ATL1: variants seen among roughly 807,000 people sequenced by gnomAD.
ATL1 encodes atlastin GTPase 1, also known as atlastin-1.
Under a neutral mutation model 75.5 loss-of-function variants are expected in ATL1, and 31 were observed. The ratio of observed to expected loss-of-function variants is 0.41; its 90% CI spans 0.31 to 0.55. The LOEUF is 0.55. Ranked by LOEUF, ATL1 falls within the 20% of genes least tolerant of loss-of-function variation. The pLI is 0.27. For synonymous variants in ATL1, 226 were observed against 233.3 expected (o/e 0.97, Z 0.28); for missense variants, 405 against 662.6 (o/e 0.61, Z 4.27).
rs778034187 is a variant in ATL1 at position 50,630,016 on chromosome 14, T to TA, written c.1566+10dup. On this transcript the variant is annotated splice_region_variant and intron_variant, in intron 13 of 13. Coordinates refer to ENST00000358385, the MANE Select transcript of ATL1 (RefSeq NM_015915.5). The stretch of plus-strand genomic sequence containing the variant: ...ACAGGGAAGTACAAATGAGGTAAGT[T>TA]AAATTTTTTAAAATTCAGAGCTATG... 3 of 1,591,746 alleles carry TA rather than the reference T, an allele frequency of 1.9e-6. No homozygotes were observed. The highest frequency in any genetic ancestry group is 4.5e-5 in the East Asian group (2 of 44,588).
chr14:50,632,312 T>C lies in ATL1; in HGVS notation c.1650T>C (p.Thr550=). ...QAFPTPKSES[T]EQSEKKKM Reference sequence around the variant, plus strand: ...TCCCTACACCAAAGTCGGAATCTACTGAACAATCAGAAAAGAAAAAAATGT... The same window carrying C: ...TCCCTACACCAAAGTCGGAATCTACCGAACAATCAGAAAAGAAAAAAATGT... The change falls in exon 14 of 14, where the codon ACT becomes ACC. Residue 550 remains threonine (T), a synonymous_variant. Transcript: ENST00000358385. 2 of 1,612,814 alleles carry C rather than the reference T, an allele frequency of 1.2e-6. No homozygotes were observed. The highest frequency in any genetic ancestry group is 1.7e-6 in the Non-Finnish European group (2 of 1,178,998).
chr14:50,559,409 A>G (rs2038805368), upstream of ATL1: 1 of 152,244 alleles, frequency 6.6e-6, no homozygotes, highest in Non-Finnish European at 1.5e-5. Flanking sequence ...GTGAAAAGGG[A>G]AAGATTGAAA....
intron 1 of ATL1, among the ~76,000 whole-genome samples, chr14:50,534,887 A>C (rs2038473132): frequency 6.6e-6 from 1 of 152,248 alleles, no homozygotes; most frequent in Middle Eastern, 3.2e-3. Context: ...TTAAATGTAC[A>C]CTGAGTAAAT....
intron 1 of ATL1, among the ~76,000 whole-genome samples, chr14:50,538,988 A>G (rs1566704388): frequency 6.6e-6 from 1 of 152,116 alleles, no homozygotes; most frequent in Non-Finnish European, 1.5e-5. Flanking sequence ...CCCAGCTTTT[A>G]TTTTTATAAA....
At chr14:50,542,048 A>G (rs962956454) in intron 1 of ATL1, among the ~76,000 whole-genome samples, 1 of 121,616 alleles carries the variant, frequency 8.2e-6, no homozygotes, top group Non-Finnish European at 1.7e-5. Flanking sequence ...AAAAAAAAAA[A>G]GAATATGCTG....
chr14:50,545,694 G>C (rs577123317), intron 1 of ATL1, among the ~76,000 whole-genome samples: 15 of 152,330 alleles, frequency 9.8e-5, no homozygotes, highest in African/African-American at 3.6e-4. Flanking sequence ...AGGCACATGC[G>C]AGTATCCATG....
chr14:50,623,110 G>A (rs1595621210), intron 10 of ATL1, 67 bp from the exon 11 acceptor site: 1 of 1,344,136 alleles, frequency 7.4e-7, no homozygotes, highest in East Asian at 2.3e-5. Context: ...TCTGAAATGT[G>A]AACTGCCTGT....
chr14:50,603,662 T>C (rs187515464), intron 6 of ATL1, among the ~76,000 whole-genome samples: 5 of 152,316 alleles, frequency 3.3e-5, no homozygotes, highest in African/African-American at 7.2e-5. Context: ...AAAAATTCTT[T>C]GATAGTGATT....
At chr14:50,628,865 T>C (rs948935275) in intron 12 of ATL1, among the ~76,000 whole-genome samples, 1 of 152,054 alleles carries the variant, frequency 6.6e-6, no homozygotes. Flanking sequence ...TACAGGTGCA[T>C]ACCACCATCC....
chr14:50,570,778 T>C (rs1436150938), intron 1 of ATL1, among the ~76,000 whole-genome samples: 2 of 152,206 alleles, frequency 1.3e-5, no homozygotes, highest in African/African-American at 4.8e-5. Flanking sequence ...TTGTATACTT[T>C]GTGATTTGTT....
intron 6 of ATL1, among the ~76,000 whole-genome samples, chr14:50,612,654 C>T (rs2039376665): frequency 6.6e-6 from 1 of 151,926 alleles, no homozygotes; most frequent in African/African-American, 2.4e-5. Context: ...TGTTTTTCTC[C>T]TTTTTCTTTC....
chr14:50,551,393 CA>C (rs199519048), intron 1 of ATL1, among the ~76,000 whole-genome samples: 16 of 149,064 alleles, frequency 1.1e-4, no homozygotes, highest in African/African-American at 2.9e-4. Flanking sequence ...TTAAAATTGC[CA>C]AAAAAAAAAT....
intron 1 of ATL1, among the ~76,000 whole-genome samples, chr14:50,546,365 G>A (rs1050487865): frequency 6.0e-5 from 9 of 150,756 alleles, no homozygotes; most frequent in Non-Finnish European, 8.9e-5. Context: ...AAAGGTACTG[G>A]GTGTGTGTGT....
chr14:50,571,570 C>A (rs2038955635), intron 1 of ATL1, among the ~76,000 whole-genome samples: 1 of 152,056 alleles, frequency 6.6e-6, no homozygotes, highest in Non-Finnish European at 1.5e-5. Flanking sequence ...GCCTTTCCTG[C>A]ATTCATTCAA....
At chr14:50,616,240 C>G (rs1465742647) in intron 8 of ATL1, among the ~76,000 whole-genome samples, 4 of 152,036 alleles carry the variant, frequency 2.6e-5, no homozygotes, top group African/African-American at 9.7e-5. Flanking sequence ...TTCAATCAAT[C>G]CTCCTATCTT....
chr14:50,625,797 G>T (rs2039513623), intron 11 of ATL1, among the ~76,000 whole-genome samples: 1 of 151,496 alleles, frequency 6.6e-6, no homozygotes, highest in South Asian at 2.1e-4. Context: ...GTAGTCCCAG[G>T]TACTCAGGAG....
intron 1 of ATL1, among the ~76,000 whole-genome samples, chr14:50,570,428 T>G (rs1025309041): frequency 6.6e-6 from 1 of 152,076 alleles, no homozygotes; most frequent in Non-Finnish European, 1.5e-5. Flanking sequence ...CAGGCTAGAG[T>G]GTAGTGGTAT....
intron 1 of ATL1, among the ~76,000 whole-genome samples, chr14:50,549,517 C>A (rs1432284205): frequency 2.6e-5 from 4 of 152,202 alleles, no homozygotes; most frequent in African/African-American, 9.6e-5. Flanking sequence ...CATACCTTAA[C>A]CTGTGTGGAC....
intron 1 of ATL1, among the ~76,000 whole-genome samples, chr14:50,577,896 T>A (rs576074374): frequency 6.6e-6 from 1 of 152,318 alleles, no homozygotes; most frequent in African/African-American, 2.4e-5. Flanking sequence ...TATCTGTCCA[T>A]TTATTAGTTG....
Sources: gnomAD v4.1 joint callset for allele counts (sites outside exome capture counted in the v4.1 genomes callset) on GRCh38, gnomAD v4.1.1 for gene constraint, MANE v1.5 for transcripts, NCBI Gene and HGNC (gene_info 2026-07-23, HGNC 2026-07-21) for gene names.